The following UGT2A3 variants were observed in gnomAD, a reference collection of about 807,000 sequenced individuals.
UGT2A3 encodes the protein UDP-glucuronosyltransferase 2A3.
A neutral mutation model predicts 44.1 loss-of-function variants in UGT2A3; 55 were observed. The observed-to-expected ratio is 1.25, with a 90% CI of 1.00 to 1.56. The LOEUF (loss-of-function observed/expected upper bound fraction) is 1.56. UGT2A3 is among the 40% of genes most tolerant of loss of function. The pLI, the probability that UGT2A3 is intolerant of heterozygous loss-of-function variation, is 0.00. For synonymous variants in UGT2A3, 243 were observed against 215.1 expected (o/e 1.13, Z -1.13); for missense variants, 733 against 621.6 (o/e 1.18, Z -1.91).
chr4:68,937,030 C>T (rs1717979475), intron 2 of UGT2A3, among the ~76,000 whole-genome samples: 1 of 151,904 alleles, frequency 6.6e-6, no homozygotes, highest in Non-Finnish European at 1.5e-5. Flanking sequence ...GCTAACTATC[C>T]TAAATATATA....
intron 2 of UGT2A3, chr4:68,943,319 T>A: frequency 1.6e-6 from 2 of 1,272,042 alleles, no homozygotes; most frequent in Non-Finnish European, 2.0e-6. Flanking sequence ...TCCTTCTGTA[T>A]TTCTATTTTA....
chr4:68,932,975 G>A (rs1219128473), intron 2 of UGT2A3, among the ~76,000 whole-genome samples: 1 of 151,852 alleles, frequency 6.6e-6, no homozygotes, highest in Non-Finnish European at 1.5e-5. Flanking sequence ...ACTAGAAAAG[G>A]CGCACAACCA....
chr4:68,934,937 T>C (rs1214418291), intron 2 of UGT2A3, among the ~76,000 whole-genome samples: 1 of 151,682 alleles, frequency 6.6e-6, no homozygotes, highest in East Asian at 2.0e-4. Context: ...TATAAAAGGC[T>C]TCTATGGACA....
intron 1 of UGT2A3, 90 bp from the exon 2 acceptor site, chr4:68,945,544 TAA>T: frequency 2.7e-6 from 3 of 1,094,588 alleles, no homozygotes; most frequent in Non-Finnish European, 3.8e-6. Context: ...AAGAAAAAAA[TAA>T]GTTTAAGTCC....
intron 2 of UGT2A3, among the ~76,000 whole-genome samples, chr4:68,940,963 C>G (rs1167578297): frequency 6.6e-6 from 1 of 151,340 alleles, no homozygotes; most frequent in East Asian, 2.0e-4. Context: ...AAATTTGATC[C>G]CCAATATTGG....
At chr4:68,950,881 G>A (rs1577859244) in intron 1 of UGT2A3, among the ~76,000 whole-genome samples, 165 bp downstream of exon 1, 1 of 151,712 alleles carries the variant, frequency 6.6e-6, no homozygotes, top group African/African-American at 2.4e-5. Context: ...TAAGAAAGTA[G>A]GTTATCTTAC....
Position 68,945,371 on chromosome 4 carries a change from G to A in UGT2A3, c.799C>T (p.Pro267Ser). ...ACAAACTCAAAGTTAGGTTGGTATGGTTGAGGAAATTCAAAATCCCAATAT... is the reference window on the plus strand; with the variant it reads ...ACAAACTCAAAGTTAGGTTGGTATGATTGAGGAAATTCAAAATCCCAATAT... ...RTYWDFEFPQPYQPNFEFVGG... is the reference protein window; with the variant it reads ...RTYWDFEFPQSYQPNFEFVGG... The change falls in exon 2 of 6, where the codon CCA becomes TCA. Residue 267 changes from proline (P) to serine (S), a missense_variant. Transcript: ENST00000251566. 6.2e-7 allele frequency: 1 copy of A among 1,611,402 alleles called. No homozygotes were observed. The highest frequency in any genetic ancestry group is 1.1e-5 in the South Asian group (1 of 90,980).
chr4:68,946,247 C>T (rs2109794223), intron 1 of UGT2A3, among the ~76,000 whole-genome samples: 1 of 151,714 alleles, frequency 6.6e-6, no homozygotes, highest in Non-Finnish European at 1.5e-5. Flanking sequence ...ACATATTTTG[C>T]AAGTGATAAA....
chr4:68,933,838 A>G (rs78961545), intron 2 of UGT2A3, among the ~76,000 whole-genome samples: 20,039 of 152,026 alleles, frequency 0.13, 1,583 homozygotes, highest in East Asian at 0.34. Context: ...ACAGGAAAAC[A>G]ACAGCATGGA....
At chr4:68,948,704 G>A (rs902180459) in intron 1 of UGT2A3, among the ~76,000 whole-genome samples, 5 of 151,672 alleles carry the variant, frequency 3.3e-5, no homozygotes, top group Non-Finnish European at 7.4e-5. Context: ...ATGTACACTG[G>A]AGTAGCACTT....
At position 68,951,031 on chromosome 4, in the gene UGT2A3, AC is replaced by A; in HGVS notation, c.715+14del. The stretch of plus-strand genomic sequence containing the variant: ...TTTTGATAACTAAATTAAAAATAAA[AC>A]AAAAGTGTCTTACCTAATGCCTTAC... On this transcript the variant is annotated intron_variant, in intron 1 of 5. Coordinates refer to ENST00000251566, the MANE Select transcript of UGT2A3 (RefSeq NM_024743.4). The A allele has an allele frequency of 6.7e-7, 1 of 1,483,464 alleles. No individual in the cohort carries two copies. Among genetic ancestry groups the A allele is most frequent in the South Asian group, 1.4e-5 (1 of 71,480 alleles). The allele number at this position is 1,483,464 out of a possible 1,614,324, so 91.9% of individuals were successfully genotyped here.
chr4:68,950,063 C>T (rs1281886517), intron 1 of UGT2A3, among the ~76,000 whole-genome samples: 1 of 151,760 alleles, frequency 6.6e-6, no homozygotes, highest in Non-Finnish European at 1.5e-5. Flanking sequence ...CCAAAATTTG[C>T]CAGTGACCTC....
intron 2 of UGT2A3, among the ~76,000 whole-genome samples, chr4:68,939,405 A>C (rs959082540): frequency 6.6e-6 from 1 of 152,132 alleles, no homozygotes; most frequent in Non-Finnish European, 1.5e-5. Flanking sequence ...CACATCTCTA[A>C]CCATGTGATC....
intron 1 of UGT2A3, among the ~76,000 whole-genome samples, chr4:68,949,311 T>C (rs1180990502): frequency 6.6e-6 from 1 of 151,850 alleles, no homozygotes; most frequent in Non-Finnish European, 1.5e-5. Flanking sequence ...TTAGAAGTCA[T>C]TGTATGTTAT....
chr4:68,945,106 C>A (rs10010699), intron 2 of UGT2A3, among the ~76,000 whole-genome samples, 200 bp downstream of exon 2: 110,566 of 151,442 alleles, frequency 0.73, 41,987 homozygotes, highest in Non-Finnish European at 0.86. Flanking sequence ...CTAATCATGA[C>A]ATTCTTCTGC....
At position 68,950,426 on chromosome 4, in the gene UGT2A3, C is replaced by T. The variant is rs1429275787; in HGVS notation, c.715+620G>A. 2.0e-5 allele frequency among the ~76,000 whole-genome samples: 3 copies of T among 151,926 alleles called. No individual in the cohort carries two copies. The East Asian group carries it at 5.9e-4, about 30-fold the overall frequency. ...AAAACATGTCTTGCATTGACCAGCT[C>T]TGATCACAACTATATGAAAATTGCA... is the stretch of plus-strand genomic sequence containing the variant. On this transcript the variant is annotated intron_variant, in intron 1 of 5. Transcript: ENST00000251566.
intron 2 of UGT2A3, among the ~76,000 whole-genome samples, chr4:68,941,497 T>G (rs576301172): frequency 6.6e-6 from 1 of 151,790 alleles, no homozygotes; most frequent in Non-Finnish European, 1.5e-5. Context: ...AAAAATGAAT[T>G]ACAAAGTTAA....
At chr4:68,936,586 G>A (rs939591953) in intron 2 of UGT2A3, among the ~76,000 whole-genome samples, 104 of 152,020 alleles carry the variant, frequency 6.8e-4, no homozygotes, top group Non-Finnish European at 2.4e-4. Flanking sequence ...AAGAACAACT[G>A]GTACCAGCCA....
chr4:68,947,787 C>T, intron 1 of UGT2A3, among the ~76,000 whole-genome samples: 1 of 151,692 alleles, frequency 6.6e-6, no homozygotes, highest in East Asian at 1.9e-4. Flanking sequence ...CTTTGTTGAC[C>T]ATGTGAATTG....
Sources: allele counts gnomAD v4.1 joint callset (sites outside exome capture counted in the v4.1 genomes callset), GRCh38; gene constraint gnomAD v4.1.1; transcripts MANE v1.5; gene names NCBI Gene and HGNC (gene_info 2026-07-23, HGNC 2026-07-21).